CBX5: variants seen among roughly 807,000 people sequenced by gnomAD.
The protein encoded by CBX5 is chromobox 5.
Under a neutral mutation model 20.7 loss-of-function variants are expected in CBX5, and 7 were observed. The ratio of observed to expected loss-of-function variants is 0.34; its 90% CI spans 0.19 to 0.63. The LOEUF is 0.63. Among genes scored for constraint, CBX5 ranks in the 30% least tolerant of loss-of-function variants. The probability of loss-of-function intolerance (pLI) is 0.75; values close to 1 mark genes in which losing one functional copy is unlikely to be tolerated. For synonymous variants in CBX5, 78 were observed against 77.0 expected (o/e 1.01, Z -0.07); for missense variants, 110 against 224.1 (o/e 0.49, Z 3.25).
intron 3 of CBX5, among the ~76,000 whole-genome samples, chr12:54,251,645 A>G (rs1943804970): frequency 6.6e-6 from 1 of 152,090 alleles, no homozygotes; most frequent in Non-Finnish European, 1.5e-5. Flanking sequence ...AGATCCAGCC[A>G]CTGCACTCCA....
chr12:54,257,355 C>T lies in CBX5; in HGVS notation c.137+159G>A, dbSNP rs189033669. On this transcript the variant is annotated intron_variant, in intron 2 of 4. Coordinates refer to ENST00000209875, the MANE Select transcript of CBX5 (RefSeq NM_012117.3). ...ATCATTAGAACGTAAGCTCCACAAGCGGAGAGATTTTGTTTTCTTTACTGC... is the reference window on the plus strand; with the variant it reads ...ATCATTAGAACGTAAGCTCCACAAGTGGAGAGATTTTGTTTTCTTTACTGC... Among the ~76,000 whole-genome samples the T allele has an allele frequency of 2.0e-4, 31 of 152,234 alleles. No homozygotes were observed. In the Middle Eastern group the frequency reaches 0.01, roughly 50 times the overall value.
Position 54,234,280 on chromosome 12 carries a change from T to TAGC in CBX5, c.*7472_*7474dup, listed in dbSNP as rs1565863587. ...AGATTTTTTTTTTTTTCCTCACTGA[T>TAGC]AGCTGATCACATTAAACAGGTACAG... On this transcript the variant is annotated 3_prime_UTR_variant, in exon 5 of 5. Transcript: ENST00000209875. 6.8e-6 allele frequency: 1 copy of TAGC among 148,102 alleles called. No individual in the cohort carries two copies. Among genetic ancestry groups the TAGC allele is most frequent in the East Asian group, 2.0e-4 (1 of 5,046 alleles). 9.2% of individuals were successfully genotyped at this position (148,102 alleles called of 1,614,324 possible). A position where few individuals can be genotyped will look rare whatever the true frequency, so the allele number is the denominator to read the frequency against.
In CBX5 at chr12:54,239,830, T is replaced by C. The variant is rs754578766; in HGVS notation, c.*1925A>G. ...TCACCTCAATTATGCAGTATAATTT[T>C]TGACATAATTTATATAAGCACACAG... On this transcript the variant is annotated 3_prime_UTR_variant, in exon 5 of 5. Transcript: ENST00000209875. The C allele has an allele frequency of 1.3e-5, 2 of 152,222 alleles. No homozygotes were observed. The highest frequency in any genetic ancestry group is 2.9e-5 in the Non-Finnish European group (2 of 68,040). 9.4% of individuals were successfully genotyped at this position (152,222 alleles called of 1,614,324 possible). A position where few individuals can be genotyped will look rare whatever the true frequency, so the allele number is the denominator to read the frequency against.
At chr12:54,256,287 G>GT (rs1338420239) in intron 2 of CBX5, among the ~76,000 whole-genome samples, 5 of 152,122 alleles carry the variant, frequency 3.3e-5, no homozygotes, top group Non-Finnish European at 7.3e-5. Flanking sequence ...TGGAAGCTGT[G>GT]ATACCACTCC....
At chr12:54,259,424 G>A (rs1489060456) in intron 1 of CBX5, 1 of 152,476 alleles carries the variant, frequency 6.6e-6, no homozygotes, top group Non-Finnish European at 1.5e-5. Context: ...TTGAGGGAGA[G>A]ACAAGGAAAA....
intron 1 of CBX5, among the ~76,000 whole-genome samples, chr12:54,262,269 T>A (rs1487113234): frequency 6.6e-6 from 1 of 152,126 alleles, no homozygotes; most frequent in Non-Finnish European, 1.5e-5. Flanking sequence ...GAAAGAAAAG[T>A]GAATTTAATG....
intron 2 of CBX5, among the ~76,000 whole-genome samples, chr12:54,252,932 CT>C (rs1943821827): frequency 7.1e-6 from 1 of 141,564 alleles, no homozygotes; most frequent in East Asian, 2.1e-4. Context: ...TTGCAGTGAG[CT>C]GAGATTGTGC....
intron 2 of CBX5, among the ~76,000 whole-genome samples, chr12:54,257,236 A>G (rs1056740037): frequency 6.6e-6 from 1 of 152,154 alleles, no homozygotes; most frequent in African/African-American, 2.4e-5. Flanking sequence ...TCCAGTTTGT[A>G]TCATAAGTGG....
intron 2 of CBX5, chr12:54,252,612 G>C: frequency 5.8e-6 from 1 of 171,662 alleles, no homozygotes; most frequent in Non-Finnish European, 1.2e-5. Context: ...ATTATACTAA[G>C]TGAAAGAAAT....
intron 1 of CBX5, chr12:54,277,164 C>G (rs1011699648): frequency 2.6e-5 from 4 of 152,058 alleles, no homozygotes; most frequent in African/African-American, 9.7e-5. Context: ...TCCTGAGTAG[C>G]TGGGATTACA....
rs1305471331 is a variant in CBX5, at chr12:54,239,728, T to C, written c.*2027A>G. The C allele has an allele frequency of 6.6e-6, 1 of 151,972 alleles. No homozygotes were observed. The highest frequency in any genetic ancestry group is 1.5e-5 in the Non-Finnish European group (1 of 68,032). 9.4% of individuals were successfully genotyped at this position (151,972 alleles called of 1,614,324 possible). A position where few individuals can be genotyped will look rare whatever the true frequency, so the allele number is the denominator to read the frequency against. ...GAGCTCTTGCCCAATCACATTACCA[T>C]TCAGAAGGATTTTCCTGGCTGACTT... On this transcript the variant is annotated 3_prime_UTR_variant, in exon 5 of 5. Transcript: ENST00000209875.
At chr12:54,266,853 G>A (rs1259968957) in intron 1 of CBX5, among the ~76,000 whole-genome samples, 7 of 151,676 alleles carry the variant, frequency 4.6e-5, no homozygotes, top group Non-Finnish European at 7.4e-5. Context: ...TCAGAAACAC[G>A]CATTCTATTT....
intron 1 of CBX5, chr12:54,276,801 A>G (rs1387412375): frequency 2.6e-5 from 4 of 152,228 alleles, no homozygotes; most frequent in African/African-American, 7.2e-5. Flanking sequence ...AAATGTTTCA[A>G]TGTGTGTACA....
In CBX5 at chr12:54,234,179, A is replaced by G. The variant is rs35138798; in HGVS notation, c.*7576T>C. ...GGGCAAAAGAGCAAGTTTCCATCTCAAAAAAAAAAAAAAAAAAAAAAAAAA... is the reference window on the plus strand; with the variant it reads ...GGGCAAAAGAGCAAGTTTCCATCTCGAAAAAAAAAAAAAAAAAAAAAAAAA... On this transcript the variant is annotated 3_prime_UTR_variant, in exon 5 of 5. Coordinates refer to ENST00000209875, the MANE Select transcript of CBX5 (RefSeq NM_012117.3). 3.5e-5 allele frequency: 2 copies of G among 57,596 alleles called. No homozygotes were observed. The highest frequency in any genetic ancestry group is 6.0e-5 in the Non-Finnish European group (2 of 33,584). The allele number at this position is 57,596 out of a possible 1,614,324, so 3.6% of individuals were successfully genotyped here.
Position 54,250,277 on chromosome 12 carries a change from G to A in CBX5, c.324+1764C>T, listed in dbSNP as rs116555595. On this transcript the variant is annotated intron_variant, in intron 3 of 4. Transcript: ENST00000209875. The stretch of plus-strand genomic sequence containing the variant: ...AATACAAAAATTATCTGGCTATGGT[G>A]GCACATGCCTGTAATCCCAACTACT... Among the ~76,000 whole-genome samples, 650 of 152,052 alleles carry A rather than the reference G, an allele frequency of 4.3e-3. 2 individuals are homozygous for A. The highest frequency in any genetic ancestry group is 0.013 in the African/African-American group (529 of 41,468).
rs558402942 is a variant in CBX5, at chr12:54,266,590, C to A, written c.-42-8898G>T. Among the ~76,000 whole-genome samples the A allele has an allele frequency of 1.5e-3, 224 of 152,120 alleles. 1 individual carries two copies. The highest frequency in any genetic ancestry group is 5.3e-3 in the African/African-American group (218 of 41,490). On this transcript the variant is annotated intron_variant, in intron 1 of 4. Transcript: ENST00000209875. Reference sequence around the variant, plus strand: ...AATAATAATTGTATATATACACATTCTAAATGACGATAAAGGCTGCCCTAT... The same window carrying A: ...AATAATAATTGTATATATACACATTATAAATGACGATAAAGGCTGCCCTAT...
intron 4 of CBX5, 126 bp downstream of exon 4, chr12:54,245,989 A>G (rs1943731598): frequency 1.4e-6 from 1 of 713,992 alleles, no homozygotes; most frequent in African/African-American, 1.8e-5. Context: ...GTCTCAAAAA[A>G]AGAAAGATCT....
chr12:54,253,766 AT>A (rs1413056171), intron 2 of CBX5, among the ~76,000 whole-genome samples: 228 of 140,740 alleles, frequency 1.6e-3, no homozygotes, highest in African/African-American at 2.1e-3. Context: ...GAATTGTACA[AT>A]TTTTTTTTTT....
intron 4 of CBX5, among the ~76,000 whole-genome samples, chr12:54,242,572 C>T (rs1364056199): frequency 1.3e-5 from 2 of 148,738 alleles, no homozygotes; most frequent in Non-Finnish European, 3.0e-5. Context: ...TGATTATGCA[C>T]AAGTCAATTA....
Sources: allele counts gnomAD v4.1 joint callset (sites outside exome capture counted in the v4.1 genomes callset), GRCh38; gene constraint gnomAD v4.1.1; transcripts MANE v1.5; gene names NCBI Gene and HGNC (gene_info 2026-07-23, HGNC 2026-07-21).